The following NCOR1 variants were observed in gnomAD, a reference collection of about 807,000 sequenced individuals.
The protein encoded by NCOR1 is nuclear receptor corepressor 1.
NCOR1 carries 63 observed loss-of-function variants against 288.1 expected under a neutral mutation model. That is an observed-to-expected ratio of 0.22 (90% confidence interval 0.18 to 0.27). The LOEUF (loss-of-function observed/expected upper bound fraction) is 0.27. Ranked by LOEUF, NCOR1 falls within the 10% of genes least tolerant of loss-of-function variation. NCOR1 has a pLI of 1.00. For missense variants in NCOR1, 2,397 were observed against 3,019.2 expected (o/e 0.79, Z 4.83); for synonymous variants, 1,007 against 1,065.9 (o/e 0.94, Z 1.08).
chr17:16,101,807 T>G (rs1240817065), intron 19 of NCOR1, 50 bp from the exon 20 acceptor site: 1 of 1,602,628 alleles, frequency 6.2e-7, no homozygotes, highest in Non-Finnish European at 8.5e-7. Context: ...TTTCTGCACC[T>G]TAAAGATAAT....
At chr17:16,193,863 A>T (rs1050140844) in intron 2 of NCOR1, among the ~76,000 whole-genome samples, 3 of 152,000 alleles carry the variant, frequency 2.0e-5, no homozygotes, top group African/African-American at 4.8e-5. Flanking sequence ...CTGCTTTCTT[A>T]GTCTCTGAGA....
At chr17:16,086,535 C>G in intron 22 of NCOR1, 93 bp from the exon 23 acceptor site, 1 of 1,148,820 alleles carries the variant, frequency 8.7e-7, no homozygotes, top group Non-Finnish European at 1.2e-6. Flanking sequence ...TTTTAAATCA[C>G]TAATTAAAAA....
At chr17:16,169,527 G>A (rs1409690007) in intron 4 of NCOR1, among the ~76,000 whole-genome samples, 2 of 152,122 alleles carry the variant, frequency 1.3e-5, no homozygotes, top group Non-Finnish European at 2.9e-5. Context: ...AATGGGGAGA[G>A]GGAGATGGAA....
At chr17:16,070,865 C>G (rs945392669) in intron 30 of NCOR1, among the ~76,000 whole-genome samples, 1 of 151,366 alleles carries the variant, frequency 6.6e-6, no homozygotes, top group African/African-American at 2.4e-5. Flanking sequence ...CCCTGTCTCT[C>G]CTAAAAATAC....
chr17:16,152,046 T>TCTTC, intron 7 of NCOR1, 48 bp from the exon 8 acceptor site: 1 of 1,260,080 alleles, frequency 7.9e-7, no homozygotes, highest in Non-Finnish European at 1.1e-6. Flanking sequence ...TACATATGTC[T>TCTTC]ATGAAGAGAC....
rs186632179 is a variant in NCOR1 at position 16,127,554 on chromosome 17, T to C, written c.1510-1348A>G. Among the ~76,000 whole-genome samples the C allele has an allele frequency of 4.7e-4, 67 of 141,512 alleles. 3 individuals carry two copies. The highest frequency in any genetic ancestry group is 1.3e-3 in the Admixed American group (19 of 14,352). 92.8% of individuals were successfully genotyped at this position (141,512 alleles called of 152,430 possible). On this transcript the variant is annotated intron_variant, in intron 14 of 45. Transcript: ENST00000268712. ...ATATATCTGCATGTATATATACACA[T>C]GTGTATATATGTATGTATATATACA...
rs778534177 is a variant in NCOR1, at chr17:16,171,789, G to T, written c.435+14C>A. 2.6e-6 allele frequency: 4 copies of T among 1,551,026 alleles called. No homozygotes were observed. The African/African-American group carries it at 5.5e-5, about 21-fold the overall frequency. Reference sequence around the variant, plus strand: ...AAACCTACAACTCTACAGGGTAAGAGAACAAATATTTACCTTCTTAGCATC... The same window carrying T: ...AAACCTACAACTCTACAGGGTAAGATAACAAATATTTACCTTCTTAGCATC... On this transcript the variant is annotated intron_variant, in intron 4 of 45. Transcript: ENST00000268712.
At chr17:16,080,771 G>GT (rs755193602) in intron 23 of NCOR1, 44 bp from the exon 24 acceptor site, 9 of 1,539,504 alleles carry the variant, frequency 5.8e-6, no homozygotes, top group South Asian at 2.4e-5. Context: ...AGCAAACATT[G>GT]TTTTTTTCAC....
chr17:16,086,645 T>C (rs754676587), intron 22 of NCOR1, among the ~76,000 whole-genome samples: 20 of 152,188 alleles, frequency 1.3e-4, no homozygotes, highest in Non-Finnish European at 2.2e-4. Flanking sequence ...GGGGTTGAAA[T>C]ATTCAACTCC....
chr17:16,213,028 T>C (rs934318905), intron 1 of NCOR1, among the ~76,000 whole-genome samples: 3 of 146,904 alleles, frequency 2.0e-5, no homozygotes, highest in Non-Finnish European at 4.5e-5. Context: ...GCCACTGTAT[T>C]TCAGCCTGGG....
chr17:16,188,779 C>T (rs750832842), intron 2 of NCOR1, among the ~76,000 whole-genome samples: 37 of 152,036 alleles, frequency 2.4e-4, no homozygotes, highest in Non-Finnish European at 4.4e-4. Context: ...AATCCCAGCA[C>T]TTTGGGAGGC....
chr17:16,195,427 C>A (rs1339107758), intron 1 of NCOR1, among the ~76,000 whole-genome samples: 1 of 151,952 alleles, frequency 6.6e-6, no homozygotes, highest in African/African-American at 2.4e-5. Flanking sequence ...GCCGAGATCA[C>A]GCCATTGCAC....
chr17:16,201,347 C>T (rs2090779150), intron 1 of NCOR1, among the ~76,000 whole-genome samples: 1 of 152,088 alleles, frequency 6.6e-6, no homozygotes, highest in African/African-American at 2.4e-5. Context: ...GCCTGTAATC[C>T]CAGCACTTTG....
chr17:16,154,138 C>T (rs574404587), intron 6 of NCOR1, among the ~76,000 whole-genome samples: 1 of 151,096 alleles, frequency 6.6e-6, no homozygotes, highest in Non-Finnish European at 1.5e-5. Context: ...ATAATGCCCC[C>T]ATCTCAGTCT....
intron 19 of NCOR1, among the ~76,000 whole-genome samples, chr17:16,107,516 T>C (rs1193762493): frequency 1.3e-5 from 2 of 152,176 alleles, no homozygotes; most frequent in African/African-American, 4.8e-5. Context: ...ACCTTGACCT[T>C]GCACGTACAG....
At chr17:16,170,639 A>G (rs1009696528) in intron 4 of NCOR1, among the ~76,000 whole-genome samples, 5 of 152,098 alleles carry the variant, frequency 3.3e-5, no homozygotes, top group African/African-American at 7.2e-5. Context: ...TCAAGAGACC[A>G]GCCTGGCCAA....
chr17:16,066,236 C>G (rs1333907511), intron 32 of NCOR1, among the ~76,000 whole-genome samples: 4 of 152,152 alleles, frequency 2.6e-5, no homozygotes, highest in African/African-American at 9.7e-5. Flanking sequence ...TTTGTCACAG[C>G]TACTCAACTC....
intron 22 of NCOR1, among the ~76,000 whole-genome samples, chr17:16,088,772 A>G (rs2064670226): frequency 6.6e-6 from 1 of 152,124 alleles, no homozygotes; most frequent in South Asian, 2.1e-4. Flanking sequence ...TAATTGCCCA[A>G]TCAAGGTCTA....
intron 3 of NCOR1, among the ~76,000 whole-genome samples, chr17:16,182,517 C>G (rs1356917642): frequency 6.6e-6 from 1 of 152,162 alleles, no homozygotes; most frequent in African/African-American, 2.4e-5. Flanking sequence ...TCCAGTGGCA[C>G]AATCTTGGCT....
Sources: allele counts gnomAD v4.1 joint callset (sites outside exome capture counted in the v4.1 genomes callset), GRCh38; gene constraint gnomAD v4.1.1; transcripts MANE v1.5; gene names NCBI Gene and HGNC (gene_info 2026-07-23, HGNC 2026-07-21).